The following IFI27L1 variants were observed in gnomAD, a reference collection of about 807,000 sequenced individuals.
IFI27L1 encodes the protein interferon alpha-inducible protein 27-like protein 1.
IFI27L1 carries 3 observed loss-of-function variants against 9.2 expected under a neutral mutation model. The ratio of observed to expected loss-of-function variants is 0.32; its 90% CI spans 0.15 to 0.84. IFI27L1 has a LOEUF of 0.84. Ranked by LOEUF, IFI27L1 falls within the 40% of genes least tolerant of loss-of-function variation. The pLI is 0.56. For synonymous variants in IFI27L1, 53 were observed against 50.0 expected, an observed-to-expected ratio of 1.06 and a Z score of -0.26; for missense variants, 133 against 134.2, an observed-to-expected ratio of 0.99 and a Z score of 0.05.
intron 3 of IFI27L1, chr14:94,101,001 A>G: frequency 3.3e-6 from 2 of 611,306 alleles, no homozygotes; most frequent in Non-Finnish European, 5.8e-6. Context: ...AGCTTCCACC[A>G]AGTACAAACC....
intron 1 of IFI27L1, among the ~76,000 whole-genome samples, chr14:94,089,893 T>C (rs1056496705): frequency 2.0e-5 from 3 of 152,186 alleles, no homozygotes; most frequent in African/African-American, 7.2e-5. Flanking sequence ...AGTCAGAAAG[T>C]GTCGGTATGG....
At position 94,096,935 on chromosome 14, in the gene IFI27L1, A is replaced by C. The variant is rs1325914066; in HGVS notation, c.-3A>C. 6 of 1,613,582 alleles carry C rather than the reference A, an allele frequency of 3.7e-6. No individual in the cohort carries two copies. The highest frequency in any genetic ancestry group is 5.1e-6 in the Non-Finnish European group (6 of 1,179,750). On this transcript the variant is annotated 5_prime_UTR_variant, in exon 2 of 5. Coordinates refer to ENST00000555523, the MANE Select transcript of IFI27L1 (RefSeq NM_206949.3). ...GAGGCTCACCGAGGCGAAGGGGCCA[A>C]CCATGGGAAAGGAGAGTGGATGGGA...
At chr14:94,101,413 C>T (rs769253076) in intron 3 of IFI27L1, 41 of 252,186 alleles carry the variant, frequency 1.6e-4, no homozygotes, top group Non-Finnish European at 2.7e-4. Context: ...CCTTCAGGGC[C>T]TCCATCCCCT....
chr14:94,088,299 A>C, intron 1 of IFI27L1: 5 of 702,284 alleles, frequency 7.1e-6, no homozygotes. Context: ...TGCGAGATGC[A>C]GAAGGTAAGT....
At chr14:94,100,708 T>G (rs770173242) in intron 2 of IFI27L1, 31 bp from the exon 3 acceptor site, 1 of 1,431,106 alleles carries the variant, frequency 7.0e-7, no homozygotes, top group Admixed American at 1.9e-5. Flanking sequence ...GTTTGTTTGT[T>G]TGTTGTTGTT....
At chr14:94,085,587 G>A (rs1294120096) in intron 1 of IFI27L1, among the ~76,000 whole-genome samples, 3 of 152,156 alleles carry the variant, frequency 2.0e-5, no homozygotes, top group Non-Finnish European at 1.5e-5. Flanking sequence ...GTTTTAAGGT[G>A]ATGGAACTGA....
At chr14:94,091,199 A>C (rs1886462194) in intron 1 of IFI27L1, among the ~76,000 whole-genome samples, 2 of 152,218 alleles carry the variant, frequency 1.3e-5, no homozygotes, top group South Asian at 4.1e-4. Flanking sequence ...ATAGCTGATT[A>C]AGGGTCACCT....
At chr14:94,096,099 A>G (rs1886654303) in intron 1 of IFI27L1, among the ~76,000 whole-genome samples, 1 of 152,206 alleles carries the variant, frequency 6.6e-6, no homozygotes, top group Non-Finnish European at 1.5e-5. Context: ...GAGGCCTAAA[A>G]GAGCAGGGAA....
intron 1 of IFI27L1, among the ~76,000 whole-genome samples, chr14:94,092,892 G>A (rs1308494163): frequency 2.6e-5 from 4 of 152,038 alleles, no homozygotes; most frequent in Non-Finnish European, 2.9e-5. Flanking sequence ...TTTATGCTTC[G>A]CTTTTCATTT....
chr14:94,099,210 G>A (rs532597050), intron 2 of IFI27L1, among the ~76,000 whole-genome samples: 1 of 152,218 alleles, frequency 6.6e-6, no homozygotes, highest in Non-Finnish European at 1.5e-5. Context: ...GCGCACAAGT[G>A]GGGAGGCACA....
intron 2 of IFI27L1, chr14:94,100,488 C>T (rs775357174): frequency 1.0e-6 from 1 of 985,256 alleles, no homozygotes; most frequent in Non-Finnish European, 1.2e-6. Context: ...GGGGGCCCAG[C>T]CACAAGGCTG....
chr14:94,099,992 A>G (rs544528029), intron 2 of IFI27L1, among the ~76,000 whole-genome samples: 1 of 152,266 alleles, frequency 6.6e-6, no homozygotes, highest in South Asian at 2.1e-4. Context: ...TTTTTAATTC[A>G]CTAAACTTTA....
intron 1 of IFI27L1, among the ~76,000 whole-genome samples, chr14:94,084,090 T>C (rs936688235): frequency 1.3e-5 from 2 of 152,144 alleles, no homozygotes; most frequent in Non-Finnish European, 2.9e-5. Flanking sequence ...TTTTAAAAAA[T>C]AGTAAGAATA....
chr14:94,088,068 C>T (rs907759290), intron 1 of IFI27L1, among the ~76,000 whole-genome samples: 37 of 152,136 alleles, frequency 2.4e-4, no homozygotes, highest in Non-Finnish European at 5.9e-5. Context: ...TGTGAACCCT[C>T]AAGGATGGAA....
At chr14:94,092,693 C>G (rs55905306) in intron 1 of IFI27L1, among the ~76,000 whole-genome samples, 15,925 of 152,066 alleles carry the variant, frequency 0.1, 936 homozygotes, top group Non-Finnish European at 0.13. Context: ...TACAGAAAAA[C>G]TGAAGAATAC....
intron 1 of IFI27L1, chr14:94,089,051 G>GTT (rs1035190136): frequency 1.3e-5 from 2 of 152,134 alleles, no homozygotes; most frequent in Non-Finnish European, 2.9e-5. Flanking sequence ...TAGAGAGAGT[G>GTT]TTTTGCTCTG....
At chr14:94,082,788 T>C (rs928239227) in intron 1 of IFI27L1, among the ~76,000 whole-genome samples, 1 of 152,240 alleles carries the variant, frequency 6.6e-6, no homozygotes, top group African/African-American at 2.4e-5. Context: ...TCTCAAAGTA[T>C]TATTGCTCAT....
At position 94,102,635 on chromosome 14, in the gene IFI27L1, A is replaced by G. The variant is rs749432651; in HGVS notation, c.*67A>G. 38 of 896,388 alleles carry G rather than the reference A, an allele frequency of 4.2e-5. No individual in the cohort carries two copies. The highest frequency in any genetic ancestry group is 2.3e-4 in the Middle Eastern group (1 of 4,354). The allele number at this position is 896,388 out of a possible 1,614,324, so 55.5% of individuals were successfully genotyped here. A position where few individuals can be genotyped will look rare whatever the true frequency, so the allele number is the denominator to read the frequency against. ...GACTTTCCTGGGCCTCTGGATGACA[A>G]TCTTCCAAAGGACAAGTCTCCTACT... On this transcript the variant is annotated 3_prime_UTR_variant, in exon 5 of 5. Coordinates refer to ENST00000555523, the MANE Select transcript of IFI27L1 (RefSeq NM_206949.3).
At chr14:94,092,296 G>A (rs530416224) in intron 1 of IFI27L1, among the ~76,000 whole-genome samples, 7 of 152,098 alleles carry the variant, frequency 4.6e-5, no homozygotes, top group South Asian at 2.1e-4. Flanking sequence ...GGCGGATCAC[G>A]AGGTCAGGAG....
Sources: gnomAD v4.1 joint callset for allele counts (sites outside exome capture counted in the v4.1 genomes callset) on GRCh38, gnomAD v4.1.1 for gene constraint, MANE v1.5 for transcripts, NCBI Gene and HGNC (gene_info 2026-07-23, HGNC 2026-07-21) for gene names.